The following UNC5B variants were observed in gnomAD, a reference collection of about 807,000 sequenced individuals.
The protein encoded by UNC5B is netrin receptor UNC5B.
Under a neutral mutation model 103.7 loss-of-function variants are expected in UNC5B, and 56 were observed. The observed-to-expected ratio is 0.54, with a 90% CI of 0.44 to 0.67. The LOEUF (loss-of-function observed/expected upper bound fraction) is 0.67, where lower values mean the gene tolerates loss of function less well. UNC5B is among the 30% of genes least tolerant of loss of function. UNC5B has a pLI of 0.00. For missense variants in UNC5B, 1,194 were observed against 1,284.5 expected (o/e 0.93, Z 1.08); for synonymous variants, 577 against 542.0 (o/e 1.06, Z -0.90).
intron 1 of UNC5B, among the ~76,000 whole-genome samples, chr10:71,257,808 G>A (rs1450284790): frequency 6.6e-6 from 1 of 152,250 alleles, no homozygotes. Context: ...ACTGCAGGCT[G>A]TGGCCAGGTG....
At chr10:71,224,416 C>T (rs71477529) in intron 1 of UNC5B, among the ~76,000 whole-genome samples, 4 of 144,140 alleles carry the variant, frequency 2.8e-5, no homozygotes, top group East Asian at 2.0e-4. Context: ...CACACACACA[C>T]GAAATGACAG....
Position 71,286,678 on chromosome 10 carries a change from C to A in UNC5B, c.553-11C>A, listed in dbSNP as rs367811866. 1.5e-5 allele frequency: 25 copies of A among 1,613,786 alleles called. No homozygotes were observed. Among genetic ancestry groups the A allele is most frequent in the African/African-American group, 9.3e-5 (7 of 74,918 alleles). On this transcript the variant is annotated splice_polypyrimidine_tract_variant and intron_variant, in intron 4 of 16. Transcript: ENST00000335350. The stretch of plus-strand genomic sequence containing the variant: ...TGGGCCCTCACTGCCCCCTCACCCC[C>A]ACTCTTGCAGGTGGAATGGCTCAAG...
At chr10:71,294,794 T>C (rs79335106) in intron 13 of UNC5B, among the ~76,000 whole-genome samples, 8,816 of 151,950 alleles carry the variant, frequency 0.058, 569 homozygotes, top group African/African-American at 0.16. Flanking sequence ...GGTCTTTTAG[T>C]ACCTAGAGCC....
chr10:71,240,748 C>T (rs1246440838), intron 1 of UNC5B, among the ~76,000 whole-genome samples: 2 of 152,214 alleles, frequency 1.3e-5, no homozygotes, highest in Non-Finnish European at 2.9e-5. Context: ...ACAGCAGAGG[C>T]GTAGCTGATA....
chr10:71,293,443 C>T lies in UNC5B; in HGVS notation c.1811C>T (p.Ser604Leu), dbSNP rs1470266228. Reference sequence around the variant, plus strand: ...GGGACCCAGACAGTATTGAGCCCCTCGGTGACCTGTGGACCCACAGGCCTC... The same window carrying T: ...GGGACCCAGACAGTATTGAGCCCCTTGGTGACCTGTGGACCCACAGGCCTC... ...SEGTQTVLSP[S>L]VTCGPTGLLL... Residue 604 changes from serine to leucine, a missense_variant, in exon 12 of 17, where the codon TCG becomes TTG. Coordinates refer to ENST00000335350, the MANE Select transcript of UNC5B (RefSeq NM_170744.5). 11 of 1,613,906 alleles carry T rather than the reference C, an allele frequency of 6.8e-6. No individual in the cohort carries two copies. Among genetic ancestry groups the T allele is most frequent in the South Asian group, 1.1e-5 (1 of 91,068 alleles).
chr10:71,245,266 G>C (rs1031744591), intron 1 of UNC5B, among the ~76,000 whole-genome samples: 1 of 152,240 alleles, frequency 6.6e-6, no homozygotes, highest in Non-Finnish European at 1.5e-5. Flanking sequence ...CTGGAAGCTT[G>C]TTAGGAATTC....
intron 1 of UNC5B, among the ~76,000 whole-genome samples, chr10:71,256,237 G>A (rs1477449617): frequency 2.0e-5 from 3 of 152,096 alleles, no homozygotes; most frequent in African/African-American, 7.2e-5. Flanking sequence ...ACGAGTACCC[G>A]CCACACCCCT....
At chr10:71,297,808 A>T in intron 15 of UNC5B, 101 bp from the exon 16 acceptor site, 1 of 1,285,890 alleles carries the variant, frequency 7.8e-7, no homozygotes, top group East Asian at 2.4e-5. Flanking sequence ...AGGAGGTGGG[A>T]GTGACTCAAG....
At chr10:71,284,480 G>A (rs939703754) in intron 2 of UNC5B, among the ~76,000 whole-genome samples, 4 of 152,178 alleles carry the variant, frequency 2.6e-5, no homozygotes, top group Non-Finnish European at 4.4e-5. Context: ...TTTTGGAGAT[G>A]ACACTAGCTG....
intron 1 of UNC5B, among the ~76,000 whole-genome samples, chr10:71,230,455 A>G (rs115030665): frequency 1.2e-3 from 184 of 152,368 alleles, no homozygotes; most frequent in African/African-American, 4.0e-3. Context: ...GCCAAGGTCA[A>G]AATTGCTTTC....
At chr10:71,260,553 G>A (rs1047607815) in intron 1 of UNC5B, among the ~76,000 whole-genome samples, 5 of 152,228 alleles carry the variant, frequency 3.3e-5, no homozygotes, top group Non-Finnish European at 5.9e-5. Flanking sequence ...TGGGCTCAGG[G>A]CCCTTGGTCA....
At chr10:71,288,790 C>T (rs1396114639) in intron 7 of UNC5B, 58 bp downstream of exon 7, 34 of 1,545,892 alleles carry the variant, frequency 2.2e-5, no homozygotes, top group Non-Finnish European at 2.9e-5. Context: ...ATGTAAGGGT[C>T]CCCCAAACCC....
chr10:71,214,788 C>T (rs1384770651), intron 1 of UNC5B, among the ~76,000 whole-genome samples: 18 of 152,250 alleles, frequency 1.2e-4, no homozygotes, highest in East Asian at 3.9e-4. Flanking sequence ...CTGGGGGTGG[C>T]CTGCATTTCC....
intron 1 of UNC5B, among the ~76,000 whole-genome samples, chr10:71,269,645 G>T (rs887609645): frequency 5.9e-5 from 9 of 151,306 alleles, no homozygotes; most frequent in African/African-American, 2.2e-4. Flanking sequence ...TGTGTCCCCA[G>T]TGGGCCCATC....
At chr10:71,231,782 A>T (rs1191497520) in intron 1 of UNC5B, among the ~76,000 whole-genome samples, 2 of 152,106 alleles carry the variant, frequency 1.3e-5, no homozygotes, top group East Asian at 3.9e-4. Flanking sequence ...TTAAAAAGAG[A>T]CTAGCTTGGT....
chr10:71,224,719 G>A (rs1383737047), intron 1 of UNC5B, among the ~76,000 whole-genome samples: 1 of 152,190 alleles, frequency 6.6e-6, no homozygotes, highest in Non-Finnish European at 1.5e-5. Context: ...AAATGGGCAT[G>A]GTCAGTGAAG....
chr10:71,224,441 A>G (rs569276896), intron 1 of UNC5B, among the ~76,000 whole-genome samples: 2 of 151,478 alleles, frequency 1.3e-5, no homozygotes, highest in Non-Finnish European at 2.9e-5. Flanking sequence ...AAAAGCCCCA[A>G]GTTGAGGATT....
chr10:71,217,123 T>G (rs959871135), intron 1 of UNC5B: 1 of 152,718 alleles, frequency 6.5e-6, no homozygotes, highest in African/African-American at 2.4e-5. Flanking sequence ...CTGGCGCTTC[T>G]CTTGGCGTCC....
At chr10:71,241,251 A>G (rs968533472) in intron 1 of UNC5B, among the ~76,000 whole-genome samples, 8 of 152,116 alleles carry the variant, frequency 5.3e-5, no homozygotes, top group Non-Finnish European at 7.4e-5. Context: ...TAGCTAGAGG[A>G]GAGGTTGCCT....
Sources: allele counts gnomAD v4.1 joint callset (sites outside exome capture counted in the v4.1 genomes callset), GRCh38; gene constraint gnomAD v4.1.1; transcripts MANE v1.5; gene names NCBI Gene and HGNC (gene_info 2026-07-23, HGNC 2026-07-21).